Variants in PLCG2 observed in about 807,000 individuals in gnomAD.
PLCG2 encodes 1-phosphatidylinositol 4,5-bisphosphate phosphodiesterase gamma-2.
In PLCG2, 69 loss-of-function variants were observed where a neutral mutation model predicts 175.6. The ratio of observed to expected loss-of-function variants is 0.39; its 90% CI spans 0.32 to 0.48. PLCG2 has a LOEUF of 0.48. Among genes scored for constraint, PLCG2 ranks in the 20% least tolerant of loss-of-function variants. The pLI, the probability that PLCG2 is intolerant of heterozygous loss-of-function variation, is 0.91. For synonymous variants in PLCG2, 827 were observed against 624.0 expected (o/e 1.33, Z -4.85); for missense variants, 1,798 against 1,650.9 (o/e 1.09, Z -1.54).
rs1254850642 is a variant in PLCG2, at chr16:81,939,803, G to A, written c.3314-89G>A. 8 of 823,112 alleles carry A rather than the reference G, an allele frequency of 9.7e-6. No individual in the cohort carries two copies. The East Asian group carries it at 1.7e-4, about 18-fold the overall frequency. 51.0% of individuals were successfully genotyped at this position (823,112 alleles called of 1,614,324 possible). A position where few individuals can be genotyped will look rare whatever the true frequency, so the allele number is the denominator to read the frequency against. ...GCATATTTATTTACATGGTTGCTAAGGGGATTCACAGCTGAAGGATGCGGA... is the reference window on the plus strand; with the variant it reads ...GCATATTTATTTACATGGTTGCTAAAGGGATTCACAGCTGAAGGATGCGGA... On this transcript the variant is annotated intron_variant, in intron 29 of 32. Coordinates refer to ENST00000564138, the MANE Select transcript of PLCG2 (RefSeq NM_002661.5).
chr16:81,759,468 T>C (rs1224268615), intron 2 of PLCG2, among the ~76,000 whole-genome samples: 4 of 152,188 alleles, frequency 2.6e-5, no homozygotes, highest in African/African-American at 9.7e-5. Flanking sequence ...ATTCTAAAGG[T>C]CTAAAATCAC....
intron 2 of PLCG2, among the ~76,000 whole-genome samples, chr16:81,828,714 C>A (rs971145926): frequency 6.6e-6 from 1 of 152,144 alleles, no homozygotes; most frequent in African/African-American, 2.4e-5. Flanking sequence ...CATATAGAAG[C>A]CAGCCGTCAC....
At chr16:81,742,007 A>C (rs1279753950) in intron 1 of PLCG2, among the ~76,000 whole-genome samples, 1 of 152,260 alleles carries the variant, frequency 6.6e-6, no homozygotes, top group East Asian at 1.9e-4. Context: ...ATTTGTGTGC[A>C]TTCACCAACT....
rs868089494 is a variant in PLCG2, at chr16:81,881,554, C to T, written c.692+601C>T. On this transcript the variant is annotated intron_variant, in intron 8 of 32. Coordinates refer to ENST00000564138, the MANE Select transcript of PLCG2 (RefSeq NM_002661.5). ...GTTAATGGTCTGGGGTACGTTGATC[C>T]AGTCTTTATCGGTGAGCAACTTTTC... is the stretch of plus-strand genomic sequence containing the variant. Among the ~76,000 whole-genome samples the T allele has an allele frequency of 1.3e-5, 2 of 152,198 alleles. 1 individual carries two copies. Among genetic ancestry groups the T allele is most frequent in the African/African-American group, 4.8e-5 (2 of 41,454 alleles).
intron 24 of PLCG2, among the ~76,000 whole-genome samples, chr16:81,929,199 G>C (rs577348166): frequency 2.0e-5 from 3 of 152,266 alleles, no homozygotes; most frequent in South Asian, 4.1e-4. Flanking sequence ...GGGTTTCCTG[G>C]GTCTTGAGCC....
intron 2 of PLCG2, among the ~76,000 whole-genome samples, chr16:81,823,320 C>A (rs1406648082): frequency 6.6e-6 from 1 of 152,148 alleles, no homozygotes. Flanking sequence ...CTTCCTCTCT[C>A]GACAGAAACG....
At chr16:81,936,083 T>G (rs1910698529) in intron 26 of PLCG2, 86 bp from the exon 27 acceptor site, 1 of 1,543,724 alleles carries the variant, frequency 6.5e-7, no homozygotes, top group Non-Finnish European at 8.7e-7. Context: ...CCTTTTATAA[T>G]CTGAGCATCC....
chr16:81,958,231 G>T lies in PLCG2; in HGVS notation c.*233G>T, dbSNP rs1025856717. On this transcript the variant is annotated 3_prime_UTR_variant, in exon 33 of 33. Coordinates refer to ENST00000564138, the MANE Select transcript of PLCG2 (RefSeq NM_002661.5). ...TTCTTTATAGAGGATTCCCCAAAATGTGCTCCTCATTTTTGGCCTCTCATG... is the reference window on the plus strand; with the variant it reads ...TTCTTTATAGAGGATTCCCCAAAATTTGCTCCTCATTTTTGGCCTCTCATG... 7.5e-6 allele frequency: 4 copies of T among 532,362 alleles called. No individual in the cohort carries two copies. The highest frequency in any genetic ancestry group is 1.4e-5 in the Non-Finnish European group (4 of 294,008). 33.0% of individuals were successfully genotyped at this position (532,362 alleles called of 1,614,324 possible).
intron 5 of PLCG2, among the ~76,000 whole-genome samples, chr16:81,867,708 T>C (rs1383951060): frequency 6.6e-6 from 1 of 150,556 alleles, no homozygotes; most frequent in Non-Finnish European, 1.5e-5. Context: ...TTTTCTTTTT[T>C]ATTTTTGGAG....
chr16:81,812,734 A>C (rs1904371438), intron 2 of PLCG2, among the ~76,000 whole-genome samples: 1 of 152,192 alleles, frequency 6.6e-6, no homozygotes, highest in Admixed American at 6.5e-5. Flanking sequence ...TGTTTTAGTC[A>C]TGAAGTCTTT....
At position 81,811,924 on chromosome 16, in the gene PLCG2, A is replaced by G. The variant is rs536443058; in HGVS notation, c.193+25742A>G. 7.9e-5 allele frequency among the ~76,000 whole-genome samples: 12 copies of G among 152,144 alleles called. No individual in the cohort carries two copies. In the South Asian group the frequency reaches 1.9e-3, roughly 24 times the overall value. On this transcript the variant is annotated intron_variant, in intron 2 of 32. Transcript: ENST00000564138. ...TGGATCAAATGGTATTTCTGGTGCT[A>G]GATCCTCGAGGAATTGCAACGCTGT...
chr16:81,792,465 A>C (rs1911276284), intron 2 of PLCG2, among the ~76,000 whole-genome samples: 1 of 123,136 alleles, frequency 8.1e-6, no homozygotes, highest in Admixed American at 1.0e-4. Context: ...TGGGTGACAG[A>C]GCAAGGCTCT....
intron 9 of PLCG2, among the ~76,000 whole-genome samples, chr16:81,885,993 G>A (rs1908343009): frequency 6.6e-6 from 1 of 152,184 alleles, no homozygotes; most frequent in Non-Finnish European, 1.5e-5. Flanking sequence ...AGTCACGTTA[G>A]GTCTGAGCTG....
At chr16:81,828,331 C>T (rs1468103802) in intron 2 of PLCG2, among the ~76,000 whole-genome samples, 4 of 143,154 alleles carry the variant, frequency 2.8e-5, no homozygotes, top group Admixed American at 7.0e-5. Context: ...CTGCAAGCTC[C>T]GCCTCCCAAG....
chr16:81,928,751 TGA>T (rs1178470284), intron 24 of PLCG2, 127 bp downstream of exon 24: 12 of 693,698 alleles, frequency 1.7e-5, no homozygotes, highest in Middle Eastern at 2.5e-4. Context: ...CTTCCCTGGC[TGA>T]AGCTGAGTAT....
At chr16:81,873,681 C>T (rs1181758687) in intron 7 of PLCG2, among the ~76,000 whole-genome samples, 5 of 152,020 alleles carry the variant, frequency 3.3e-5, no homozygotes, top group Non-Finnish European at 7.4e-5. Context: ...TGTAATCCCA[C>T]CACTTTGGGA....
intron 2 of PLCG2, among the ~76,000 whole-genome samples, chr16:81,831,969 G>T (rs916681106): frequency 1.3e-5 from 2 of 152,176 alleles, no homozygotes; most frequent in Non-Finnish European, 2.9e-5. Context: ...TTGCCCTAGC[G>T]GAAGGGACTG....
intron 17 of PLCG2, among the ~76,000 whole-genome samples, chr16:81,908,946 G>C (rs1286871140): frequency 6.6e-6 from 1 of 152,160 alleles, no homozygotes; most frequent in Non-Finnish European, 1.5e-5. Context: ...GGGTCATGTG[G>C]CTCTGGATGA....
At chr16:81,793,057 C>T (rs545271002) in intron 2 of PLCG2, among the ~76,000 whole-genome samples, 2 of 152,084 alleles carry the variant, frequency 1.3e-5, no homozygotes, top group African/African-American at 4.8e-5. Flanking sequence ...ACAATAAGAC[C>T]AGAAAGAAAA....
Sources: allele counts gnomAD v4.1 joint callset (sites outside exome capture counted in the v4.1 genomes callset), GRCh38; gene constraint gnomAD v4.1.1; transcripts MANE v1.5; gene names NCBI Gene and HGNC (gene_info 2026-07-23, HGNC 2026-07-21).